Variants in PLPP4 observed in about 807,000 individuals in gnomAD.
PLPP4 encodes the protein phospholipid phosphatase 4, also known as diacylglycerol pyrophosphate like 2.
Under a neutral mutation model 32.2 loss-of-function variants are expected in PLPP4, and 20 were observed. The ratio of observed to expected loss-of-function variants is 0.62; its 90% CI spans 0.44 to 0.90. The LOEUF is 0.90. PLPP4 is among the 40% of genes least tolerant of loss of function. The probability of loss-of-function intolerance (pLI) is 0.00; values close to 1 mark genes in which losing one functional copy is unlikely to be tolerated. For missense variants in PLPP4, 257 were observed against 353.1 expected (o/e 0.73, Z 2.18); for synonymous variants, 127 against 133.0 (o/e 0.95, Z 0.31).
intron 5 of PLPP4, among the ~76,000 whole-genome samples, chr10:120,542,666 A>C (rs956339351): frequency 6.6e-6 from 1 of 152,222 alleles, no homozygotes; most frequent in Non-Finnish European, 1.5e-5. Context: ...TTGTAAAAGT[A>C]TGTTCAGTTC....
At chr10:120,575,960 C>T (rs12249632) in intron 6 of PLPP4, among the ~76,000 whole-genome samples, 14,566 of 152,206 alleles carry the variant, frequency 0.096, 1,061 homozygotes, top group African/African-American at 0.18. Context: ...CCAGAGCACA[C>T]AGAGAGCTGA....
At chr10:120,586,563 A>G (rs1449099754) in intron 6 of PLPP4, among the ~76,000 whole-genome samples, 2 of 152,156 alleles carry the variant, frequency 1.3e-5, no homozygotes, top group Non-Finnish European at 2.9e-5. Context: ...CCATGCTAAT[A>G]TGTTACTGAT....
At chr10:120,584,553 C>T (rs1849665205) in intron 6 of PLPP4, among the ~76,000 whole-genome samples, 2 of 152,312 alleles carry the variant, frequency 1.3e-5, no homozygotes, top group African/African-American at 4.8e-5. Context: ...ACACTGAGAT[C>T]CATTTATTTC....
At chr10:120,476,045 T>C (rs1298158754) in intron 1 of PLPP4, among the ~76,000 whole-genome samples, 1 of 152,134 alleles carries the variant, frequency 6.6e-6, no homozygotes, top group Non-Finnish European at 1.5e-5. Flanking sequence ...TGGAGACGAA[T>C]AATGGCATGT....
At chr10:120,538,017 T>C (rs1345334503) in intron 5 of PLPP4, among the ~76,000 whole-genome samples, 2 of 51,546 alleles carry the variant, frequency 3.9e-5, no homozygotes, top group Non-Finnish European at 9.3e-5. Context: ...TCTCTCTCTC[T>C]CTCTCTCTCT....
intron 5 of PLPP4, among the ~76,000 whole-genome samples, chr10:120,562,862 G>A (rs1848498965): frequency 6.6e-6 from 1 of 151,950 alleles, no homozygotes; most frequent in South Asian, 2.1e-4. Context: ...GTATGGTTTT[G>A]GAATCACTGT....
At chr10:120,506,783 T>G (rs889605035) in intron 2 of PLPP4, among the ~76,000 whole-genome samples, 7 of 152,232 alleles carry the variant, frequency 4.6e-5, no homozygotes, top group African/African-American at 1.7e-4. Flanking sequence ...ACTTGCACTT[T>G]CGCTGTCTGT....
In PLPP4 at chr10:120,468,295, A is replaced by T. The variant is rs1399280707; in HGVS notation, c.56+10934A>T. Among the ~76,000 whole-genome samples the T allele has an allele frequency of 3.1e-5, 2 of 65,508 alleles. 1 individual carries two copies. Among genetic ancestry groups the T allele is most frequent in the Non-Finnish European group, 8.9e-5 (2 of 22,462 alleles). 43.0% of individuals were successfully genotyped at this position (65,508 alleles called of 152,430 possible). On this transcript the variant is annotated intron_variant, in intron 1 of 6. Transcript: ENST00000398250. ...GACAAAATAACAATGAGTATACATT[A>T]GTAGAAGCTTTTTATGTGCTACAAT... is the stretch of plus-strand genomic sequence containing the variant.
At chr10:120,562,043 T>TG (rs1458914416) in intron 5 of PLPP4, among the ~76,000 whole-genome samples, 1 of 152,210 alleles carries the variant, frequency 6.6e-6, no homozygotes, top group Non-Finnish European at 1.5e-5. Context: ...GGGTTCAATT[T>TG]GGGGAGAAGT....
chr10:120,537,287 C>G (rs186185842), intron 5 of PLPP4, among the ~76,000 whole-genome samples: 23 of 152,128 alleles, frequency 1.5e-4, no homozygotes, highest in African/African-American at 5.1e-4. Context: ...ATGGAAACAC[C>G]CTGTCAATGG....
chr10:120,494,303 T>C (rs1205382673), intron 1 of PLPP4, among the ~76,000 whole-genome samples: 2 of 152,178 alleles, frequency 1.3e-5, no homozygotes, highest in African/African-American at 4.8e-5. Flanking sequence ...CCCTCTGAGG[T>C]AGGCGCTATT....
chr10:120,499,969 G>A (rs140140670), intron 1 of PLPP4, among the ~76,000 whole-genome samples: 18 of 152,240 alleles, frequency 1.2e-4, no homozygotes, highest in African/African-American at 4.1e-4. Flanking sequence ...CTCTGTCCCT[G>A]TTAAGATCCT....
At chr10:120,457,410 C>T (rs922377472) in intron 1 of PLPP4, 49 bp downstream of exon 1, 26 of 1,488,556 alleles carry the variant, frequency 1.7e-5, no homozygotes, top group Admixed American at 4.2e-5. Context: ...GGGGGAACAA[C>T]CGACCAAGCC....
intron 5 of PLPP4, among the ~76,000 whole-genome samples, chr10:120,536,925 A>G (rs1287444178): frequency 6.6e-6 from 1 of 152,156 alleles, no homozygotes; most frequent in Admixed American, 6.5e-5. Context: ...GAAAGCTACA[A>G]ATCTCCAACA....
intron 5 of PLPP4, among the ~76,000 whole-genome samples, chr10:120,546,462 A>G (rs1430686717): frequency 6.6e-6 from 1 of 152,130 alleles, no homozygotes; most frequent in African/African-American, 2.4e-5. Context: ...CAATTCCTTT[A>G]ATAACTCGCT....
At chr10:120,509,376 A>G (rs967362198) in intron 2 of PLPP4, among the ~76,000 whole-genome samples, 1 of 151,566 alleles carries the variant, frequency 6.6e-6, no homozygotes, top group Admixed American at 6.6e-5. Flanking sequence ...CATTCCGCAC[A>G]TTTTTTTTTG....
At chr10:120,501,946 TGGGGCAGAGAGCAGA>T (rs1401161466) in intron 1 of PLPP4, among the ~76,000 whole-genome samples, 4 of 152,208 alleles carry the variant, frequency 2.6e-5, no homozygotes, top group East Asian at 1.9e-4. Context: ...GTTGGTGAGC[TGGGGCAGAGAGCAGA>T]GGGGCAGAGA....
chr10:120,479,006 C>G (rs561546489), intron 1 of PLPP4, among the ~76,000 whole-genome samples: 13 of 152,342 alleles, frequency 8.5e-5, no homozygotes, highest in African/African-American at 2.9e-4. Flanking sequence ...GTGGGCAGAT[C>G]ATGAGGTCAG....
chr10:120,590,721 G>C lies in PLPP4; in HGVS notation c.*1219G>C, dbSNP rs1849967526. 6.6e-6 allele frequency among the ~76,000 whole-genome samples: 1 copy of C among 151,860 alleles called. No individual in the cohort carries two copies. The highest frequency in any genetic ancestry group is 2.4e-5 in the African/African-American group (1 of 41,326). The stretch of plus-strand genomic sequence containing the variant: ...TACCATGTGGTTGTTCAGATTCCTG[G>C]GCCTGGGTGCTACGAGGTGATGCAT... On this transcript the variant is annotated 3_prime_UTR_variant, in exon 7 of 7. Coordinates refer to ENST00000398250, the MANE Select transcript of PLPP4 (RefSeq NM_001030059.3).
Sources: gnomAD v4.1 joint callset for allele counts (sites outside exome capture counted in the v4.1 genomes callset) on GRCh38, gnomAD v4.1.1 for gene constraint, MANE v1.5 for transcripts, NCBI Gene and HGNC (gene_info 2026-07-23, HGNC 2026-07-21) for gene names.